The following KCNMA1 variants were observed in gnomAD, a reference collection of about 807,000 sequenced individuals.
KCNMA1 encodes the protein potassium calcium-activated channel subfamily M alpha 1, also known as Calcium-activated potassium channel subunit alpha-1.
KCNMA1 carries 29 observed loss-of-function variants against 140.0 expected under a neutral mutation model. That is an observed-to-expected ratio of 0.21 (90% CI 0.15 to 0.28). The LOEUF (loss-of-function observed/expected upper bound fraction) is 0.28. KCNMA1 is among the 10% of genes least tolerant of loss of function. KCNMA1 has a pLI of 1.00. For missense variants in KCNMA1, 880 were observed against 1,602.2 expected (o/e 0.55, Z 7.70); for synonymous variants, 612 against 611.9 (o/e 1.00, Z 0.00).
At chr10:77,290,185 G>GT (rs1404504873) in intron 2 of KCNMA1, among the ~76,000 whole-genome samples, 1 of 152,094 alleles carries the variant, frequency 6.6e-6, no homozygotes, top group East Asian at 1.9e-4. Flanking sequence ...AAATAAAAAT[G>GT]TTTACAAGGC....
chr10:77,242,292 T>G (rs967012087), intron 3 of KCNMA1, among the ~76,000 whole-genome samples: 1 of 152,244 alleles, frequency 6.6e-6, no homozygotes, highest in African/African-American at 2.4e-5. Context: ...ATGCCGTCCC[T>G]GAAGCATTCT....
At chr10:77,245,174 T>C (rs1003846934) in intron 3 of KCNMA1, among the ~76,000 whole-genome samples, 1 of 152,106 alleles carries the variant, frequency 6.6e-6, no homozygotes, top group Non-Finnish European at 1.5e-5. Flanking sequence ...AAAAAGGGCA[T>C]GAAGGCAGAC....
chr10:77,350,044 G>A (rs12248158), intron 2 of KCNMA1, among the ~76,000 whole-genome samples: 2 of 151,938 alleles, frequency 1.3e-5, no homozygotes, highest in African/African-American at 4.8e-5. Context: ...GACTACAGGC[G>A]CCTGCCACCA....
intron 20 of KCNMA1, among the ~76,000 whole-genome samples, chr10:76,954,364 A>T (rs1331670154): frequency 6.6e-6 from 1 of 152,220 alleles, no homozygotes; most frequent in African/African-American, 2.4e-5. Flanking sequence ...GAATAGGAAT[A>T]GAGCCTCATG....
At chr10:77,026,208 G>A (rs1482177674) in intron 16 of KCNMA1, among the ~76,000 whole-genome samples, 1 of 152,104 alleles carries the variant, frequency 6.6e-6, no homozygotes, top group Non-Finnish European at 1.5e-5. Context: ...GGAACCAAAA[G>A]GCAACAAGTG....
In KCNMA1 at chr10:77,282,827, T is replaced by A. The variant is rs1220883923; in HGVS notation, c.541-31571A>T. On this transcript the variant is annotated intron_variant, in intron 2 of 27. Transcript: ENST00000286628. ...GAGTTCAAATTCAGCCGGGGCAACATAGCAAGACCCCATCTCTAAAACAAA... is the reference window on the plus strand; with the variant it reads ...GAGTTCAAATTCAGCCGGGGCAACAAAGCAAGACCCCATCTCTAAAACAAA... Among the ~76,000 whole-genome samples, 7 of 152,242 alleles carry A rather than the reference T, an allele frequency of 4.6e-5. No individual in the cohort carries two copies. In the East Asian group the frequency reaches 1.4e-3, roughly 29 times the overall value.
At chr10:77,541,817 G>C (rs1445979482) in intron 1 of KCNMA1, among the ~76,000 whole-genome samples, 1 of 152,134 alleles carries the variant, frequency 6.6e-6, no homozygotes, top group Non-Finnish European at 1.5e-5. Context: ...CATGCCTAGG[G>C]GTGAGGCCCA....
At chr10:77,391,902 C>T (rs1209718331) in intron 2 of KCNMA1, among the ~76,000 whole-genome samples, 5 of 151,692 alleles carry the variant, frequency 3.3e-5, no homozygotes, top group African/African-American at 9.7e-5. Context: ...GCTAAACAAA[C>T]TTTCTCGCAG....
chr10:77,447,302 C>T (rs899721230), intron 1 of KCNMA1, among the ~76,000 whole-genome samples: 1 of 152,226 alleles, frequency 6.6e-6, no homozygotes, highest in African/African-American at 2.4e-5. Flanking sequence ...TCCCTCTTGT[C>T]ACTCTGGCCT....
At chr10:77,039,755 T>C in intron 14 of KCNMA1, 118 bp from the exon 15 acceptor site, 1 of 718,402 alleles carries the variant, frequency 1.4e-6, no homozygotes, top group South Asian at 1.5e-5. Context: ...TGGTGACCTT[T>C]TCAGCAATCA....
chr10:77,270,151 G>A (rs7911878), intron 2 of KCNMA1, among the ~76,000 whole-genome samples: 1 of 152,108 alleles, frequency 6.6e-6, no homozygotes, highest in Non-Finnish European at 1.5e-5. Context: ...CAGTGGCAAT[G>A]CAGGCCTCAT....
In KCNMA1 at chr10:77,114,075, A is replaced by G. The variant is rs1416128551; in HGVS notation, c.885-1633T>C. The stretch of plus-strand genomic sequence containing the variant: ...TCCATGTGGCTAAGGCAGAAATGCT[A>G]ATGTCTCCACTGAGAGGTGCCCATT... On this transcript the variant is annotated intron_variant, in intron 6 of 27. Coordinates refer to ENST00000286628, the MANE Select transcript of KCNMA1 (RefSeq NM_001161352.2). 2.0e-5 allele frequency among the ~76,000 whole-genome samples: 3 copies of G among 152,302 alleles called. No homozygotes were observed. The East Asian group carries it at 5.8e-4, about 29-fold the overall frequency.
chr10:76,945,496 G>A (rs2063673714), intron 22 of KCNMA1, among the ~76,000 whole-genome samples: 1 of 152,182 alleles, frequency 6.6e-6, no homozygotes, highest in Non-Finnish European at 1.5e-5. Flanking sequence ...GGCTCAATTT[G>A]GAGGCTATGG....
chr10:77,508,389 T>C (rs1039457102), intron 1 of KCNMA1, among the ~76,000 whole-genome samples: 1 of 150,276 alleles, frequency 6.7e-6, no homozygotes, highest in African/African-American at 2.5e-5. Context: ...TTCATCATGT[T>C]ACCCAGGGTG....
At chr10:77,489,418 C>T (rs940503498) in intron 1 of KCNMA1, among the ~76,000 whole-genome samples, 1 of 152,100 alleles carries the variant, frequency 6.6e-6, no homozygotes, top group African/African-American at 2.4e-5. Context: ...TGACTGCAAC[C>T]TCTGCCTCCC....
At chr10:77,398,918 T>C (rs892345949) in intron 2 of KCNMA1, among the ~76,000 whole-genome samples, 2 of 152,212 alleles carry the variant, frequency 1.3e-5, no homozygotes, top group African/African-American at 4.8e-5. Context: ...GGGGATTTAA[T>C]TTACCTGACA....
chr10:77,326,462 G>T (rs1235530308), intron 2 of KCNMA1, among the ~76,000 whole-genome samples: 2 of 152,142 alleles, frequency 1.3e-5, no homozygotes, highest in African/African-American at 4.8e-5. Context: ...ACATAGCACA[G>T]AATCTGGCAC....
At chr10:77,627,080 T>C (rs988751299) in intron 1 of KCNMA1, among the ~76,000 whole-genome samples, 2 of 152,232 alleles carry the variant, frequency 1.3e-5, no homozygotes, top group South Asian at 2.1e-4. Flanking sequence ...AGCAGAGGCA[T>C]ACAGGAGCCC....
chr10:77,604,672 G>A (rs916741809), intron 1 of KCNMA1, among the ~76,000 whole-genome samples: 1 of 152,072 alleles, frequency 6.6e-6, no homozygotes, highest in Non-Finnish European at 1.5e-5. Flanking sequence ...GCACAACAGA[G>A]CAAAACCCCA....
Sources: gnomAD v4.1 joint callset for allele counts (sites outside exome capture counted in the v4.1 genomes callset) on GRCh38, gnomAD v4.1.1 for gene constraint, MANE v1.5 for transcripts, NCBI Gene and HGNC (gene_info 2026-07-23, HGNC 2026-07-21) for gene names.